The following RGS3 variants were observed in gnomAD, a reference collection of about 807,000 sequenced individuals.
The protein encoded by RGS3 is regulator of G protein signaling 3.
RGS3 carries 80 observed loss-of-function variants against 132.6 expected under a neutral mutation model. The observed-to-expected ratio is 0.60, with a 90% CI of 0.50 to 0.73. The LOEUF (loss-of-function observed/expected upper bound fraction) is 0.73, where lower values mean the gene tolerates loss of function less well. RGS3 is among the 30% of genes least tolerant of loss of function. The probability of loss-of-function intolerance (pLI) is 0.00; values close to 1 mark genes in which losing one functional copy is unlikely to be tolerated. For missense variants in RGS3, 1,382 were observed against 1,530.8 expected, an observed-to-expected ratio of 0.90 and a Z score of 1.62; for synonymous variants, 598 against 620.6, an observed-to-expected ratio of 0.96 and a Z score of 0.54.
At chr9:113,583,808 A>T in exon 20 of RGS3, 1 of 1,612,842 alleles carries the variant, frequency 6.2e-7, no homozygotes, top group Non-Finnish European at 8.5e-7. Context: ...CTCACCAAAG[A>T]CCTCCCTGCC....
At chr9:113,498,074 A>G (rs1192278622) in exon 10 of RGS3, 2 of 1,613,924 alleles carry the variant, frequency 1.2e-6, no homozygotes, top group Non-Finnish European at 1.7e-6. Flanking sequence ...ATGGGAAGAA[A>G]CTAAAGGTAG....
At chr9:113,459,628 T>TA (rs1333965755), upstream of RGS3, among the ~76,000 whole-genome samples, 1 of 152,078 alleles carries the variant, frequency 6.6e-6, no homozygotes, top group Non-Finnish European at 1.5e-5. Flanking sequence ...CGCGTGCCTG[T>TA]AGTCTCAGCT....
At chr9:113,535,444 T>G (rs890338593) in intron 18 of RGS3, among the ~76,000 whole-genome samples, 33 of 152,360 alleles carry the variant, frequency 2.2e-4, no homozygotes, top group Non-Finnish European at 1.2e-4. Context: ...GTGCTGGGAT[T>G]ATAGGCATAA....
intron 7 of RGS3, among the ~76,000 whole-genome samples, chr9:113,495,265 C>T (rs1001126462): frequency 6.6e-6 from 1 of 152,234 alleles, no homozygotes; most frequent in Non-Finnish European, 1.5e-5. Flanking sequence ...TGCCTACCTG[C>T]CCTGCTGGTG....
chr9:113,586,254 A>T (rs1164824567), intron 20 of RGS3, among the ~76,000 whole-genome samples: 1 of 152,220 alleles, frequency 6.6e-6, no homozygotes, highest in Non-Finnish European at 1.5e-5. Context: ...GTTGAGGCCC[A>T]CCTGCCTTGG....
At chr9:113,517,352 C>T in intron 15 of RGS3, 189 bp from the exon 14 acceptor site, 1 of 690,146 alleles carries the variant, frequency 1.4e-6, no homozygotes, top group African/African-American at 1.8e-5. Flanking sequence ...CACAGGACAG[C>T]AGCGTCTCTC....
intron 4 of RGS3, 171 bp from the exon 3 acceptor site, chr9:113,482,888 G>A: frequency 1.4e-6 from 2 of 1,465,346 alleles, no homozygotes. Context: ...TGGTGGTTAT[G>A]CAGATTAAGG....
At chr9:113,510,086 C>T (rs185640018) in intron 14 of RGS3, among the ~76,000 whole-genome samples, 1 of 151,794 alleles carries the variant, frequency 6.6e-6, no homozygotes, top group African/African-American at 2.4e-5. Context: ...TCTCTCACCC[C>T]CCTCCCATCC....
intron 19 of RGS3, among the ~76,000 whole-genome samples, chr9:113,555,703 G>A (rs1833539500): frequency 6.6e-6 from 1 of 152,136 alleles, no homozygotes; most frequent in Non-Finnish European, 1.5e-5. Flanking sequence ...CTGACCTCGT[G>A]GTCTGCCTGC....
chr9:113,475,009 T>C (rs1185972118), intron 3 of RGS3, among the ~76,000 whole-genome samples: 2 of 152,216 alleles, frequency 1.3e-5, no homozygotes, highest in East Asian at 3.8e-4. Context: ...CTTTAGCTGG[T>C]GTCCACATCC....
chr9:113,522,674 T>G (rs1832009968), intron 16 of RGS3: 2 of 492,150 alleles, frequency 4.1e-6, no homozygotes, highest in Non-Finnish European at 7.4e-6. Context: ...AGGGCCACTT[T>G]TCCCCTTCTG....
chr9:113,592,940 C>T (rs1046366097), intron 21 of RGS3: 15 of 152,128 alleles, frequency 9.9e-5, no homozygotes, highest in East Asian at 3.8e-4. Context: ...TTTTATTTTC[C>T]GTTCTGTTCT....
chr9:113,570,011 C>T (rs1834215865), intron 19 of RGS3, among the ~76,000 whole-genome samples: 1 of 152,190 alleles, frequency 6.6e-6, no homozygotes, highest in South Asian at 2.1e-4. Context: ...CCACATGCTC[C>T]TCCTTGTCTA....
chr9:113,522,984 G>C, exon 17 of RGS3: 1 of 1,614,162 alleles, frequency 6.2e-7, no homozygotes, highest in South Asian at 1.1e-5. Context: ...GGACGAGCCT[G>C]GCCGCTGCGA....
At chr9:113,477,114 G>T (rs981917595) in intron 3 of RGS3, among the ~76,000 whole-genome samples, 31 of 152,066 alleles carry the variant, frequency 2.0e-4, no homozygotes, top group African/African-American at 7.3e-4. Context: ...TGAAGTAATT[G>T]CTCAGACTTT....
upstream of RGS3, among the ~76,000 whole-genome samples, chr9:113,458,240 C>G (rs1284060633): frequency 6.6e-6 from 1 of 150,932 alleles, no homozygotes; most frequent in Non-Finnish European, 1.5e-5. Flanking sequence ...TAGTTAAAAA[C>G]ATTTTACATT....
upstream of RGS3, among the ~76,000 whole-genome samples, chr9:113,458,447 A>G (rs1455330154): frequency 1.3e-5 from 2 of 152,142 alleles, no homozygotes; most frequent in African/African-American, 4.8e-5. Context: ...ATAAATACCA[A>G]CTTGATCATG....
chr9:113,453,994 T>G (rs1428799728), intron 1 of RGS3, among the ~76,000 whole-genome samples: 1 of 151,954 alleles, frequency 6.6e-6, no homozygotes. Context: ...ATTTTAAAAG[T>G]TTTTGTAAAG....
intron 4 of RGS3, among the ~76,000 whole-genome samples, chr9:113,482,696 C>A (rs1339576117): frequency 6.6e-6 from 1 of 152,224 alleles, no homozygotes; most frequent in Non-Finnish European, 1.5e-5. Flanking sequence ...TTCTTACTAT[C>A]TTGGGTTCCC....
Sources: gnomAD v4.1 joint callset for allele counts (sites outside exome capture counted in the v4.1 genomes callset) on GRCh38, gnomAD v4.1.1 for gene constraint, MANE v1.5 for transcripts, NCBI Gene and HGNC (gene_info 2026-07-23, HGNC 2026-07-21) for gene names.